LRP1B: variants seen among roughly 807,000 people sequenced by gnomAD.
LRP1B encodes LDL receptor related protein 1B.
Under a neutral mutation model 556.6 loss-of-function variants are expected in LRP1B, and 217 were observed. The ratio of observed to expected loss-of-function variants is 0.39; its 90% CI spans 0.35 to 0.44. The LOEUF (loss-of-function observed/expected upper bound fraction) is 0.44, where lower values mean the gene tolerates loss of function less well. LRP1B is among the 20% of genes least tolerant of loss of function. The pLI, the probability that LRP1B is intolerant of heterozygous loss-of-function variation, is 1.00. For synonymous variants in LRP1B, 2,047 were observed against 1,865.8 expected, an observed-to-expected ratio of 1.10 and a Z score of -2.50; for missense variants, 5,053 against 5,620.8, an observed-to-expected ratio of 0.90 and a Z score of 3.23.
At chr2:140,939,558 T>C (rs1695332719) in intron 20 of LRP1B, among the ~76,000 whole-genome samples, 2 of 148,758 alleles carry the variant, frequency 1.3e-5, no homozygotes, top group African/African-American at 2.5e-5. Flanking sequence ...GGTCAATACA[T>C]GCTTACTTTT....
intron 3 of LRP1B, among the ~76,000 whole-genome samples, chr2:141,344,409 A>T (rs1387880946): frequency 6.6e-6 from 1 of 152,078 alleles, no homozygotes; most frequent in African/African-American, 2.4e-5. Context: ...TAACTAAGTA[A>T]GCTAGGCATG....
Position 140,733,799 on chromosome 2 carries a change from C to T in LRP1B, c.5759-16983G>A, listed in dbSNP as rs144104066. ...TCATCAAAACTTAATGAAAGGCAAACTTACTATCTGAACACTCTACTATGG... is the reference window on the plus strand; with the variant it reads ...TCATCAAAACTTAATGAAAGGCAAATTTACTATCTGAACACTCTACTATGG... On this transcript the variant is annotated intron_variant, in intron 35 of 90. Coordinates refer to ENST00000389484, the MANE Select transcript of LRP1B (RefSeq NM_018557.3). Among the ~76,000 whole-genome samples, 1,501 of 152,230 alleles carry T rather than the reference C, an allele frequency of 9.9e-3. 10 individuals carry two copies. Among genetic ancestry groups the T allele is most frequent in the Non-Finnish European group, 0.015 (1,043 of 67,994 alleles).
intron 55 of LRP1B, among the ~76,000 whole-genome samples, chr2:140,499,941 T>C (rs1436152321): frequency 6.6e-6 from 1 of 151,922 alleles, no homozygotes; most frequent in African/African-American, 2.4e-5. Flanking sequence ...CTAAAACACA[T>C]TCCCTGATGA....
intron 67 of LRP1B, among the ~76,000 whole-genome samples, chr2:140,380,475 T>C (rs1210706553): frequency 1.3e-5 from 2 of 152,304 alleles, no homozygotes; most frequent in Admixed American, 6.5e-5. Context: ...TGCAGACACA[T>C]GCAGTTTTAT....
chr2:141,976,404 C>A (rs1701888330), intron 1 of LRP1B, among the ~76,000 whole-genome samples: 1 of 152,038 alleles, frequency 6.6e-6, no homozygotes, highest in Non-Finnish European at 1.5e-5. Context: ...TATCAATATC[C>A]TTTCATTTAC....
rs2104884701 is a variant in LRP1B at position 140,239,469 on chromosome 2, C to A, written c.13388G>T (p.Gly4463Val). 6.2e-7 allele frequency: 1 copy of A among 1,602,566 alleles called. No individual in the cohort carries two copies. Among genetic ancestry groups the A allele is most frequent in the Admixed American group, 1.7e-5 (1 of 59,234 alleles). The change falls in exon 88 of 91, where the codon GGT becomes GTT. Residue 4463 changes from glycine to valine, a missense_variant. Transcript: ENST00000389484. The part of the protein sequence containing the change: ...LVTLITTLVI[G>V]LVLCKRKRRT... ...TCTTTTTCTTTTACAAAGCACTAAA[C>A]CAATTACTAAGGTGGTTATCAAAGT...
chr2:141,957,393 G>C (rs971783349), intron 1 of LRP1B, among the ~76,000 whole-genome samples: 6 of 121,666 alleles, frequency 4.9e-5, no homozygotes, highest in South Asian at 3.4e-4. Context: ...TGGGGGGGGG[G>C]GGGCGGGGGG....
intron 6 of LRP1B, among the ~76,000 whole-genome samples, chr2:141,216,354 G>C (rs1229498959): frequency 6.6e-6 from 1 of 152,204 alleles, no homozygotes; most frequent in Non-Finnish European, 1.5e-5. Context: ...CCTCTGCCTA[G>C]GTTTCAGAGG....
At chr2:140,863,624 G>C in intron 27 of LRP1B, among the ~76,000 whole-genome samples, 1 of 152,146 alleles carries the variant, frequency 6.6e-6, no homozygotes, top group Middle Eastern at 3.4e-3. Flanking sequence ...TTGCTGCTTC[G>C]ATCTGCAAAT....
chr2:141,663,557 A>G (rs1690305288), intron 2 of LRP1B, among the ~76,000 whole-genome samples: 1 of 152,204 alleles, frequency 6.6e-6, no homozygotes, highest in South Asian at 2.1e-4. Context: ...AATACTATAA[A>G]CACCTCTATG....
intron 31 of LRP1B, among the ~76,000 whole-genome samples, chr2:140,818,469 G>T (rs1244966089): frequency 1.3e-5 from 2 of 152,060 alleles, no homozygotes; most frequent in African/African-American, 4.8e-5. Flanking sequence ...ATTTTTTCAG[G>T]CTTCATCAGA....
rs764172812 is a variant in LRP1B at position 140,540,974 on chromosome 2, C to T, written c.7512G>A (p.Val2504=). Residue 2504 remains valine (V), a splice_region_variant and synonymous_variant, in exon 45 of 91, where the codon GTG becomes GTA. Transcript: ENST00000389484. ...DRILLEDNRC[V]TKNSSCNAYS... ...TACATTTCAATTCCCTTTACTTACTCACACATCTGTTGTCCTCTAGCAATA... is the reference window on the plus strand; with the variant it reads ...TACATTTCAATTCCCTTTACTTACTTACACATCTGTTGTCCTCTAGCAATA... 2.5e-6 allele frequency: 4 copies of T among 1,606,578 alleles called. No individual in the cohort carries two copies. The highest frequency in any genetic ancestry group is 1.7e-6 in the Non-Finnish European group (2 of 1,176,504).
chr2:141,497,170 A>G (rs1335702775), intron 2 of LRP1B, among the ~76,000 whole-genome samples: 1 of 151,908 alleles, frequency 6.6e-6, no homozygotes, highest in African/African-American at 2.4e-5. Flanking sequence ...GACATCCCCC[A>G]ATTTATTTTT....
At chr2:141,196,227 A>G (rs1250373393) in intron 6 of LRP1B, among the ~76,000 whole-genome samples, 5 of 152,102 alleles carry the variant, frequency 3.3e-5, no homozygotes, top group African/African-American at 1.2e-4. Context: ...GGTAAAAAAT[A>G]GCAGTGTCCA....
intron 43 of LRP1B, among the ~76,000 whole-genome samples, chr2:140,567,048 T>C (rs1681154007): frequency 6.6e-6 from 1 of 152,116 alleles, no homozygotes. Flanking sequence ...AAGTCTGAGC[T>C]GCTATAGTAC....
chr2:141,036,092 A>C (rs1048272697), intron 11 of LRP1B, among the ~76,000 whole-genome samples: 2 of 152,142 alleles, frequency 1.3e-5, no homozygotes, highest in African/African-American at 4.8e-5. Context: ...ATTTACTTGA[A>C]TCCAAACAAA....
At chr2:141,043,739 T>G (rs777860581) in intron 11 of LRP1B, among the ~76,000 whole-genome samples, 2 of 152,090 alleles carry the variant, frequency 1.3e-5, no homozygotes, top group African/African-American at 4.8e-5. Context: ...TAACAATAAA[T>G]TGAATAGTAA....
chr2:140,546,285 C>T (rs926042432), intron 43 of LRP1B, among the ~76,000 whole-genome samples: 1 of 151,986 alleles, frequency 6.6e-6, no homozygotes, highest in Admixed American at 6.6e-5. Context: ...TTTCTCTTGC[C>T]TGATTGCTCT....
intron 2 of LRP1B, among the ~76,000 whole-genome samples, chr2:141,507,871 A>G (rs1683987100): frequency 6.6e-6 from 1 of 152,018 alleles, no homozygotes; most frequent in African/African-American, 2.4e-5. Context: ...GGATCACCTG[A>G]GGTCAGGAGT....
Sources: allele counts gnomAD v4.1 joint callset (sites outside exome capture counted in the v4.1 genomes callset), GRCh38; gene constraint gnomAD v4.1.1; transcripts MANE v1.5; gene names NCBI Gene and HGNC (gene_info 2026-07-23, HGNC 2026-07-21).